Variants in BCL11B observed in about 807,000 individuals in gnomAD.
The protein encoded by BCL11B is BCL11 transcription factor B, also known as B-cell lymphoma/leukemia 11B.
In BCL11B, 8 loss-of-function variants were observed where a neutral mutation model predicts 49.9. The ratio of observed to expected loss-of-function variants is 0.16; its 90% CI spans 0.09 to 0.29. The LOEUF is 0.29. BCL11B is among the 10% of genes least tolerant of loss of function. The pLI, the probability that BCL11B is intolerant of heterozygous loss-of-function variation, is 1.00. For missense variants in BCL11B, 1,006 were observed against 1,351.0 expected (o/e 0.74, Z 4.00); for synonymous variants, 739 against 637.4 (o/e 1.16, Z -2.40).
intron 3 of BCL11B, among the ~76,000 whole-genome samples, chr14:99,189,277 G>C (rs1241025395): frequency 1.3e-5 from 2 of 152,350 alleles, no homozygotes; most frequent in Non-Finnish European, 2.9e-5. Flanking sequence ...CATCTCGCCA[G>C]GCACAGCCTG....
rs761905083 is a variant in BCL11B, at chr14:99,174,850, G to A, written c.1986C>T (p.Thr662=). The change falls in exon 4 of 4, where the codon ACC becomes ACT. Residue 662 remains threonine, a synonymous_variant. Coordinates refer to ENST00000357195, the MANE Select transcript of BCL11B (RefSeq NM_138576.4). ...GCGGGAAGAGCCCGGGGAAGGGCTC[G>A]GTGCCTGGCGCGAAGCCGCCCCCGC... ...NGRGGGFAPG[T]EPFPGLFPRK... 1.6e-6 allele frequency: 2 copies of A among 1,249,372 alleles called. No individual in the cohort carries two copies. Among genetic ancestry groups the A allele is most frequent in the Middle Eastern group, 2.9e-4 (1 of 3,424 alleles). 77.4% of individuals were successfully genotyped at this position (1,249,372 alleles called of 1,614,324 possible).
intron 2 of BCL11B, among the ~76,000 whole-genome samples, chr14:99,238,949 T>C (rs1315418449): frequency 6.6e-6 from 1 of 152,206 alleles, no homozygotes; most frequent in African/African-American, 2.4e-5. Context: ...AATGTGTGCA[T>C]GCACTTCTAT....
chr14:99,173,981 G>T lies in BCL11B; in HGVS notation c.*170C>A. 1 of 626,870 alleles carries T rather than the reference G, an allele frequency of 1.6e-6. No homozygotes were observed. Among genetic ancestry groups the T allele is most frequent in the Non-Finnish European group, 2.8e-6 (1 of 360,548 alleles). The allele number at this position is 626,870 out of a possible 1,614,324, so 38.8% of individuals were successfully genotyped here. Reference sequence around the variant, plus strand: ...ATTTGTACTGCCTTAATCAACCCTCGGGTTTCCATAGGACTTCGCAGACAC... The same window carrying T: ...ATTTGTACTGCCTTAATCAACCCTCTGGTTTCCATAGGACTTCGCAGACAC... On this transcript the variant is annotated 3_prime_UTR_variant, in exon 4 of 4. Coordinates refer to ENST00000357195, the MANE Select transcript of BCL11B (RefSeq NM_138576.4).
intron 3 of BCL11B, among the ~76,000 whole-genome samples, chr14:99,212,983 G>A (rs1441645689): frequency 2.0e-5 from 3 of 152,296 alleles, no homozygotes; most frequent in South Asian, 4.1e-4. Flanking sequence ...CTTCTGGGAG[G>A]ATAAAATAAC....
chr14:99,186,618 G>T (rs567158072), intron 3 of BCL11B, among the ~76,000 whole-genome samples: 2 of 152,208 alleles, frequency 1.3e-5, no homozygotes, highest in Non-Finnish European at 2.9e-5. Context: ...CTCAAAGAAA[G>T]GAAGAACTGA....
chr14:99,224,418 C>T (rs1026492904), intron 3 of BCL11B, among the ~76,000 whole-genome samples: 1 of 152,144 alleles, frequency 6.6e-6, no homozygotes, highest in Non-Finnish European at 1.5e-5. Flanking sequence ...AGGACTGAGC[C>T]GGCCCTTTAG....
chr14:99,175,723 C>T lies in BCL11B; in HGVS notation c.1113G>A (p.Ala371=). The T allele has an allele frequency of 6.7e-7, 1 of 1,484,902 alleles. No homozygotes were observed. The highest frequency in any genetic ancestry group is 8.8e-7 in the Non-Finnish European group (1 of 1,133,854). The allele number at this position is 1,484,902 out of a possible 1,614,324, so 92.0% of individuals were successfully genotyped here. Residue 371 remains alanine, a synonymous_variant, in exon 4 of 4, where the codon GCG becomes GCA. Transcript: ENST00000357195. ...MDFSRRLREL[A]GNSSTPPPVS... is the part of the protein sequence containing the mutation. ...CGGGCGGCGGCGTGGAGCTGTTGCC[C>T]GCCAGCTCGCGGAGCCGCCGCGAGA...
intron 1 of BCL11B, among the ~76,000 whole-genome samples, chr14:99,267,565 C>CAA (rs1391096328): frequency 7.4e-4 from 93 of 125,150 alleles, no homozygotes; most frequent in African/African-American, 2.2e-3. Flanking sequence ...ACCAACTAAC[C>CAA]AAAAAAAAAA....
chr14:99,199,672 GTGTGTGTGTGTGCGCGCGCGCGCGCA>G (rs1450514970), intron 3 of BCL11B, among the ~76,000 whole-genome samples: 1 of 81,488 alleles, frequency 1.2e-5, no homozygotes, highest in Non-Finnish European at 2.8e-5. Flanking sequence ...GTGTGTGTGT[GTGTGTGTGTGTGCGCGCGCGCGCGCA>G]CGTGCACGTG....
At chr14:99,235,895 A>G (rs1888483541) in intron 2 of BCL11B, among the ~76,000 whole-genome samples, 1 of 68,404 alleles carries the variant, frequency 1.5e-5, no homozygotes, top group South Asian at 3.2e-4. Flanking sequence ...GGGGGAAAAA[A>G]TTAAAAAAAT....
intron 3 of BCL11B, among the ~76,000 whole-genome samples, chr14:99,182,122 G>A (rs1183924530): frequency 6.6e-6 from 1 of 152,134 alleles, no homozygotes; most frequent in Non-Finnish European, 1.5e-5. Flanking sequence ...AATGTATTCC[G>A]TGAAACCTCA....
chr14:99,209,782 G>A (rs1887636545), intron 3 of BCL11B, among the ~76,000 whole-genome samples: 1 of 152,138 alleles, frequency 6.6e-6, no homozygotes. Flanking sequence ...TATGACCTCA[G>A]TCTCAAAGCC....
chr14:99,216,966 G>A (rs1322719747), intron 3 of BCL11B, among the ~76,000 whole-genome samples: 1 of 152,050 alleles, frequency 6.6e-6, no homozygotes, highest in African/African-American at 2.4e-5. Flanking sequence ...GCACACACGT[G>A]TGTGCATACA....
chr14:99,248,072 G>A lies in BCL11B; in HGVS notation c.427+9399C>T, dbSNP rs1888899119. On this transcript the variant is annotated intron_variant, in intron 2 of 3. Transcript: ENST00000357195. The surrounding 1 kb of genome is among the most constrained non-coding windows in gnomAD (Gnocchi z 4.7). Reference sequence around the variant, plus strand: ...TTTTGTTACTATTTTTCCGCCCAGAGGAGGCTGTGGTCCCAGTTTCCCAGC... The same window carrying A: ...TTTTGTTACTATTTTTCCGCCCAGAAGAGGCTGTGGTCCCAGTTTCCCAGC... 1.3e-5 allele frequency among the ~76,000 whole-genome samples: 2 copies of A among 152,142 alleles called. No individual in the cohort carries two copies. Among genetic ancestry groups the A allele is most frequent in the Non-Finnish European group, 2.9e-5 (2 of 68,020 alleles).
intron 3 of BCL11B, among the ~76,000 whole-genome samples, chr14:99,179,500 GCTT>G (rs148358726): frequency 0.075 from 6,560 of 87,236 alleles, 302 homozygotes; most frequent in Non-Finnish European, 0.11. Flanking sequence ...AAAAAAAAAA[GCTT>G]CTAAAACTAA....
intron 3 of BCL11B, among the ~76,000 whole-genome samples, chr14:99,210,500 A>G (rs1887656278): frequency 6.6e-6 from 1 of 152,026 alleles, no homozygotes; most frequent in Admixed American, 6.6e-5. Context: ...AATCACCGAG[A>G]AGAGCTCTCT....
rs1887074034 is a variant in BCL11B at position 99,192,883 on chromosome 14, GAA to G, written c.641-16690_641-16689del. 1.3e-5 allele frequency among the ~76,000 whole-genome samples: 2 copies of G among 152,130 alleles called. No individual in the cohort carries two copies. The highest frequency in any genetic ancestry group is 6.6e-5 in the Admixed American group (1 of 15,266). ...AATGTAAATGAGTGAATGAATGAAT[GAA>G]TGAATGAATGAGTGAATGAATGGAT... is the stretch of plus-strand genomic sequence containing the variant. On this transcript the variant is annotated intron_variant, in intron 3 of 3. Coordinates refer to ENST00000357195, the MANE Select transcript of BCL11B (RefSeq NM_138576.4). The surrounding 1 kb of genome is among the most constrained non-coding windows in gnomAD (Gnocchi z 4.0).
At chr14:99,267,743 A>T (rs1889529214) in intron 1 of BCL11B, among the ~76,000 whole-genome samples, 1 of 152,206 alleles carries the variant, frequency 6.6e-6, no homozygotes, top group Non-Finnish European at 1.5e-5. Context: ...TGGAATTAAC[A>T]CAGTTAGCCT....
rs1887159974 is a variant in BCL11B, at chr14:99,195,687, C to A, written c.641-19492G>T. On this transcript the variant is annotated intron_variant, in intron 3 of 3. Coordinates refer to ENST00000357195, the MANE Select transcript of BCL11B (RefSeq NM_138576.4). This position sits in a 1 kb window ranked among gnomAD's most constrained non-coding sequence, Gnocchi z 4.7. ...AGCATGGGAAGTGCTCAAAATAAAGCATAAGTAAGTTTCCTCGAGCTAGCA... is the reference window on the plus strand; with the variant it reads ...AGCATGGGAAGTGCTCAAAATAAAGAATAAGTAAGTTTCCTCGAGCTAGCA... 6.6e-6 allele frequency among the ~76,000 whole-genome samples: 1 copy of A among 152,076 alleles called. No homozygotes were observed. The highest frequency in any genetic ancestry group is 6.5e-5 in the Admixed American group (1 of 15,268).
Sources: allele counts gnomAD v4.1 joint callset (sites outside exome capture counted in the v4.1 genomes callset), GRCh38; gene constraint gnomAD v4.1.1; non-coding constraint Gnocchi (gnomAD v3.1); transcripts MANE v1.5; gene names NCBI Gene and HGNC (gene_info 2026-07-23, HGNC 2026-07-21).